KDR: variants seen among roughly 807,000 people sequenced by gnomAD.
KDR encodes kinase insert domain receptor.
KDR carries 43 observed loss-of-function variants against 160.9 expected under a neutral mutation model. The observed-to-expected ratio is 0.27, with a 90% CI of 0.21 to 0.34. The LOEUF is 0.34. KDR is among the 10% of genes least tolerant of loss of function. The pLI is 1.00. For missense variants in KDR, 1,469 were observed against 1,666.4 expected, an observed-to-expected ratio of 0.88 and a Z score of 2.06; for synonymous variants, 617 against 600.1, an observed-to-expected ratio of 1.03 and a Z score of -0.41.
intron 9 of KDR, 134 bp downstream of exon 9, chr4:55,110,269 A>T: frequency 1.1e-6 from 1 of 918,624 alleles, no homozygotes; most frequent in Non-Finnish European, 1.8e-6. Context: ...TCACCACGCC[A>T]GATGACTTTT....
intron 2 of KDR, among the ~76,000 whole-genome samples, chr4:55,120,851 C>CGT (rs3034659): frequency 0.66 from 98,475 of 149,782 alleles, 32,430 homozygotes; most frequent in East Asian, 0.75. Flanking sequence ...TATTTGTGTG[C>CGT]GTGTGTGTGT....
At chr4:55,106,009 G>A (rs1416998827) in intron 11 of KDR, 69 bp from the exon 12 acceptor site, 2 of 963,724 alleles carry the variant, frequency 2.1e-6, no homozygotes, top group South Asian at 2.6e-5. Flanking sequence ...ACTCAGTCCA[G>A]CAGTCTCCAC....
At chr4:55,088,482 A>G (rs1274894182) in intron 26 of KDR, among the ~76,000 whole-genome samples, 3 of 152,214 alleles carry the variant, frequency 2.0e-5, no homozygotes, top group Admixed American at 2.0e-4. Flanking sequence ...ACCAAGACAG[A>G]AACCATCTCT....
At chr4:55,080,292 G>T (rs1334255496) in intron 29 of KDR, 129 bp from the exon 30 acceptor site, 3 of 784,748 alleles carry the variant, frequency 3.8e-6, no homozygotes, top group African/African-American at 3.4e-5. Context: ...ATCTCTCCCA[G>T]TTGTTAATCA....
In KDR at chr4:55,092,719, C is replaced by G. The variant is rs1249777871; in HGVS notation, c.2972-5G>C. The G allele has an allele frequency of 6.3e-7, 1 of 1,594,336 alleles. No individual in the cohort carries two copies. The highest frequency in any genetic ancestry group is 1.1e-5 in the South Asian group (1 of 90,664). On this transcript the variant is annotated splice_region_variant and splice_polypyrimidine_tract_variant and intron_variant, in intron 21 of 29. Coordinates refer to ENST00000263923, the MANE Select transcript of KDR (RefSeq NM_002253.4). Reference sequence around the variant, plus strand: ...CCTTATACAGATCTTCAGGAGCTGTCCAAAGAGGCAGGAGGATGGAGATCA... The same window carrying G: ...CCTTATACAGATCTTCAGGAGCTGTGCAAAGAGGCAGGAGGATGGAGATCA...
At chr4:55,090,416 G>C (rs964080094) in intron 22 of KDR, among the ~76,000 whole-genome samples, 1 of 152,174 alleles carries the variant, frequency 6.6e-6, no homozygotes, top group Non-Finnish European at 1.5e-5. Flanking sequence ...GGTTTAAAAC[G>C]TGTTATTCTA....
intron 3 of KDR, 108 bp from the exon 4 acceptor site, chr4:55,115,519 C>A: frequency 1.5e-6 from 1 of 682,548 alleles, no homozygotes; most frequent in Non-Finnish European, 2.7e-6. Flanking sequence ...CTGGAAGGGA[C>A]ACCTCACACA....
chr4:55,085,307 A>G (rs529116049), intron 27 of KDR, among the ~76,000 whole-genome samples: 2 of 152,352 alleles, frequency 1.3e-5, no homozygotes, highest in East Asian at 1.9e-4. Flanking sequence ...TTTTCTCTAA[A>G]TAAATGCTAA....
intron 13 of KDR, among the ~76,000 whole-genome samples, chr4:55,102,933 T>C (rs1213507332): frequency 6.6e-6 from 1 of 152,216 alleles, no homozygotes; most frequent in Non-Finnish European, 1.5e-5. Flanking sequence ...TGGCAATTCT[T>C]ATAAAACTTG....
In KDR at chr4:55,085,897, C is replaced by A. The variant is rs533390867; in HGVS notation, c.3662+1710G>T. On this transcript the variant is annotated intron_variant, in intron 27 of 29. Transcript: ENST00000263923. Reference sequence around the variant, plus strand: ...TTCCATTACACAAACATGATTTCTTCTCCTGCTCAGCACCATATGCAAAGC... The same window carrying A: ...TTCCATTACACAAACATGATTTCTTATCCTGCTCAGCACCATATGCAAAGC... Among the ~76,000 whole-genome samples, 5 of 152,330 alleles carry A rather than the reference C, an allele frequency of 3.3e-5. No individual in the cohort carries two copies. In the East Asian group the frequency reaches 9.7e-4, roughly 29 times the overall value.
intron 22 of KDR, 197 bp downstream of exon 22, chr4:55,092,420 T>C (rs1487593958): frequency 8.3e-6 from 5 of 599,444 alleles, no homozygotes; most frequent in Non-Finnish European, 1.5e-5. Context: ...AAGCCTTTAT[T>C]ATACAGCTTA....
rs1238564374 is a variant in KDR at position 55,096,271 on chromosome 4, G to T, written c.2686C>A (p.Leu896Ile). 1.2e-6 allele frequency: 2 copies of T among 1,613,572 alleles called. No homozygotes were observed. The highest frequency in any genetic ancestry group is 1.7e-6 in the Non-Finnish European group (2 of 1,179,652). Residue 896 changes from leucine (L) to isoleucine (I), a missense_variant, in exon 19 of 30, where the codon CTC becomes ATC. This residue lies in a region of KDR where 151 missense variants were observed against 207.2 expected (regional missense o/e 0.73). Coordinates refer to ENST00000263923, the MANE Select transcript of KDR (RefSeq NM_002253.4). ...LKILIHIGHH[L>I]NVVNLLGACT... is the part of the protein sequence containing the mutation. Reference sequence around the variant, plus strand: ...GCACCTAGAAGGTTGACCACATTGAGATGGTGACCAATATGAATGAGGATC... The same window carrying T: ...GCACCTAGAAGGTTGACCACATTGATATGGTGACCAATATGAATGAGGATC...
At chr4:55,113,152 T>C (rs1281606626) in intron 7 of KDR, 152 bp downstream of exon 7, 3 of 768,084 alleles carry the variant, frequency 3.9e-6, no homozygotes, top group East Asian at 2.6e-5. Context: ...TACAAAGCTA[T>C]GCTCTTGACC....
chr4:55,101,843 G>A (rs1447537484), intron 15 of KDR, 54 bp downstream of exon 15: 6 of 1,455,754 alleles, frequency 4.1e-6, no homozygotes, highest in Non-Finnish European at 4.8e-6. Flanking sequence ...CCTTTTTACG[G>A]CTGCATAGCA....
intron 3 of KDR, among the ~76,000 whole-genome samples, chr4:55,116,508 G>A (rs1190690527): frequency 6.6e-6 from 1 of 151,730 alleles, no homozygotes; most frequent in African/African-American, 2.4e-5. Context: ...ATTCCTCAGA[G>A]ATAGAGATGA....
At chr4:55,101,052 A>G (rs539856947) in intron 15 of KDR, among the ~76,000 whole-genome samples, 63 of 152,344 alleles carry the variant, frequency 4.1e-4, no homozygotes, top group African/African-American at 1.0e-3. Flanking sequence ...CAGAAGAGCA[A>G]TGGTCTATTG....
intron 4 of KDR, 41 bp from the exon 5 acceptor site, chr4:55,115,083 C>G (rs770095400): frequency 6.6e-7 from 1 of 1,524,926 alleles, no homozygotes; most frequent in East Asian, 2.3e-5. Flanking sequence ...AATCCAGTAC[C>G]AAAAATGAGA....
intron 3 of KDR, among the ~76,000 whole-genome samples, chr4:55,118,386 C>T (rs902183588): frequency 6.6e-6 from 1 of 152,114 alleles, no homozygotes; most frequent in Non-Finnish European, 1.5e-5. Flanking sequence ...AAGATCAGAC[C>T]CAAACTAACT....
intron 10 of KDR, among the ~76,000 whole-genome samples, chr4:55,107,432 T>C (rs1482797359): frequency 6.6e-6 from 1 of 152,086 alleles, no homozygotes; most frequent in Non-Finnish European, 1.5e-5. Flanking sequence ...CACCAGCCGA[T>C]TGGTATCGGG....
Sources: gnomAD v4.1 joint callset for allele counts (sites outside exome capture counted in the v4.1 genomes callset) on GRCh38, gnomAD v4.1.1 for gene constraint, gnomAD v4.1.1 regional missense constraint, MANE v1.5 for transcripts, NCBI Gene and HGNC (gene_info 2026-07-23, HGNC 2026-07-21) for gene names.